Variants in ATP2C1 observed in about 807,000 individuals in gnomAD.
The protein encoded by ATP2C1 is ATPase secretory pathway Ca2+ transporting 1.
Under a neutral mutation model 120.5 loss-of-function variants are expected in ATP2C1, and 31 were observed. The ratio of observed to expected loss-of-function variants is 0.26; its 90% confidence interval spans 0.19 to 0.35. The LOEUF (loss-of-function observed/expected upper bound fraction) is 0.35, where lower values mean the gene tolerates loss of function less well. ATP2C1 is among the 10% of genes least tolerant of loss of function. The pLI, the probability that ATP2C1 is intolerant of heterozygous loss-of-function variation, is 1.00. For synonymous variants in ATP2C1, 351 were observed against 358.7 expected, an observed-to-expected ratio of 0.98 and a Z score of 0.24; for missense variants, 731 against 1,107.5, an observed-to-expected ratio of 0.66 and a Z score of 4.83.
At chr3:130,938,322 G>A (rs1368884160) in intron 6 of ATP2C1, among the ~76,000 whole-genome samples, 1 of 152,200 alleles carries the variant, frequency 6.6e-6, no homozygotes, top group Non-Finnish European at 1.5e-5. Context: ...CTAGAACATG[G>A]TTAACAAGAA....
intron 16 of ATP2C1, among the ~76,000 whole-genome samples, chr3:130,969,075 C>T (rs1035791478): frequency 5.3e-5 from 8 of 152,134 alleles, no homozygotes; most frequent in African/African-American, 1.4e-4. Context: ...ATCCAGAAAA[C>T]CTGCCTTAGA....
chr3:130,921,067 C>A (rs1485282529), intron 2 of ATP2C1, among the ~76,000 whole-genome samples: 1 of 148,586 alleles, frequency 6.7e-6, no homozygotes, highest in African/African-American at 2.5e-5. Context: ...TGGAATCTTG[C>A]GAGTTTTCTT....
chr3:130,918,584 A>C (rs2058791576), intron 2 of ATP2C1: 1 of 723,150 alleles, frequency 1.4e-6, no homozygotes, highest in East Asian at 2.7e-5. Context: ...CTGGCCATAA[A>C]CTGTAGCCTT....
chr3:130,940,537 G>T, intron 6 of ATP2C1, 93 bp from the exon 7 acceptor site: 1 of 855,712 alleles, frequency 1.2e-6, no homozygotes, highest in East Asian at 2.6e-5. Context: ...TGAGAATTGG[G>T]GGAAATTTTA....
At chr3:130,969,785 C>T (rs1404251125) in intron 17 of ATP2C1, among the ~76,000 whole-genome samples, 2 of 152,156 alleles carry the variant, frequency 1.3e-5, no homozygotes, top group Non-Finnish European at 2.9e-5. Flanking sequence ...ATCTTTAGAA[C>T]AAATGAAGCC....
At chr3:130,965,501 A>G (rs927224352) in intron 14 of ATP2C1, among the ~76,000 whole-genome samples, 5 of 152,030 alleles carry the variant, frequency 3.3e-5, no homozygotes, top group African/African-American at 4.8e-5. Flanking sequence ...AGGTACTCCA[A>G]TGGTTTTCCA....
At chr3:130,932,924 G>A (rs1345657634) in intron 4 of ATP2C1, among the ~76,000 whole-genome samples, 1 of 152,138 alleles carries the variant, frequency 6.6e-6, no homozygotes, top group Admixed American at 6.5e-5. Flanking sequence ...GTCTAAAGTA[G>A]CAACACTGGA....
chr3:130,865,235 G>C (rs1002336277), intron 1 of ATP2C1, among the ~76,000 whole-genome samples: 1 of 152,102 alleles, frequency 6.6e-6, no homozygotes, highest in Admixed American at 6.5e-5. Flanking sequence ...TATGGGCCTC[G>C]TAACCCCTTT....
chr3:130,985,658 C>CAA lies in ATP2C1; in HGVS notation c.1839+4989_1839+4990dup, dbSNP rs199690345. ...CCCCACCCCACCTCCCCCGCCCCACCAAAAAAAAAAACCAAATTAACAACA... is the reference window on the plus strand; with the variant it reads ...CCCCACCCCACCTCCCCCGCCCCACCAAAAAAAAAAAAACCAAATTAACAACA... On this transcript the variant is annotated intron_variant, in intron 20 of 27. Coordinates refer to ENST00000510168, the MANE Select transcript of ATP2C1 (RefSeq NM_001378687.1). Among the ~76,000 whole-genome samples, 8 of 132,052 alleles carry CAA rather than the reference C, an allele frequency of 6.1e-5. No homozygotes were observed. In the East Asian group the frequency reaches 6.6e-4, roughly 11 times the overall value. 86.6% of individuals were successfully genotyped at this position (132,052 alleles called of 152,430 possible).
At chr3:131,016,346 A>G in exon 27 of ATP2C1, 1 of 1,614,174 alleles carries the variant, frequency 6.2e-7, no homozygotes, top group South Asian at 1.1e-5. Flanking sequence ...TTACCTAAAT[A>G]AAGAAACAGC....
At chr3:131,010,709 G>A (rs748719705) in intron 26 of ATP2C1, among the ~76,000 whole-genome samples, 4 of 152,162 alleles carry the variant, frequency 2.6e-5, no homozygotes, top group East Asian at 1.9e-4. Context: ...GTGTGGCTAC[G>A]GCTGGAGTTG....
intron 26 of ATP2C1, chr3:131,015,095 A>G: frequency 1.8e-6 from 1 of 564,752 alleles, no homozygotes; most frequent in East Asian, 3.0e-5. Flanking sequence ...CCAGGGGTCA[A>G]AGGCCAATTA....
intron 8 of ATP2C1, among the ~76,000 whole-genome samples, chr3:130,944,747 G>C (rs552576915): frequency 7.2e-4 from 110 of 152,254 alleles, no homozygotes; most frequent in Non-Finnish European, 1.2e-3. Context: ...TCCCTTGCCT[G>C]TGTCAGGTTT....
chr3:131,013,254 G>A (rs1008103132), intron 26 of ATP2C1, among the ~76,000 whole-genome samples: 1 of 152,164 alleles, frequency 6.6e-6, no homozygotes, highest in Admixed American at 6.5e-5. Flanking sequence ...ACAGTCCACA[G>A]TAAGGAATAT....
In ATP2C1 at chr3:130,934,580, T is replaced by C. The variant is rs539674450; in HGVS notation, c.235-42T>C. The stretch of plus-strand genomic sequence containing the variant: ...AAAGCCTTTGCTGAGAGAACTGTCA[T>C]GTACAAAACTGTGTTGAATTGCTGT... On this transcript the variant is annotated intron_variant, in intron 4 of 27. Coordinates refer to ENST00000510168, the MANE Select transcript of ATP2C1 (RefSeq NM_001378687.1). 230 of 1,274,336 alleles carry C rather than the reference T, an allele frequency of 1.8e-4. 4 individuals are homozygous for C. The South Asian group carries it at 2.5e-3, about 14-fold the overall frequency. The allele number at this position is 1,274,336 out of a possible 1,614,324, so 78.9% of individuals were successfully genotyped here.
chr3:130,987,151 T>C (rs1411456847), intron 20 of ATP2C1, among the ~76,000 whole-genome samples: 2 of 151,934 alleles, frequency 1.3e-5, no homozygotes, highest in Admixed American at 6.6e-5. Flanking sequence ...GAATGGATTT[T>C]TAAACTTTTT....
At chr3:130,923,207 T>C (rs561753808) in intron 2 of ATP2C1, among the ~76,000 whole-genome samples, 5 of 152,180 alleles carry the variant, frequency 3.3e-5, no homozygotes, top group East Asian at 1.9e-4. Flanking sequence ...TTTATCGTTA[T>C]ATAATATCCC....
chr3:130,857,976 A>G (rs1260929967), intron 1 of ATP2C1, among the ~76,000 whole-genome samples: 1 of 152,190 alleles, frequency 6.6e-6, no homozygotes, highest in Non-Finnish European at 1.5e-5. Context: ...AGCCCCTGGT[A>G]AATCACTGGT....
intron 1 of ATP2C1, chr3:130,856,334 T>C (rs2067839784): frequency 6.6e-6 from 1 of 152,212 alleles, no homozygotes; most frequent in South Asian, 2.1e-4. Context: ...ATACTTACTC[T>C]GAATGATACT....
Sources: allele counts gnomAD v4.1 joint callset (sites outside exome capture counted in the v4.1 genomes callset), GRCh38; gene constraint gnomAD v4.1.1; transcripts MANE v1.5; gene names NCBI Gene and HGNC (gene_info 2026-07-23, HGNC 2026-07-21).